CAMTA1: variants seen among roughly 807,000 people sequenced by gnomAD.
CAMTA1 encodes the protein calmodulin-binding transcription activator 1.
In CAMTA1, 27 loss-of-function variants were observed where a neutral mutation model predicts 170.9. The ratio of observed to expected loss-of-function variants is 0.16; its 90% confidence interval spans 0.12 to 0.22. The LOEUF (loss-of-function observed/expected upper bound fraction) is 0.22, where lower values mean the gene tolerates loss of function less well. CAMTA1 is among the 10% of genes least tolerant of loss of function. CAMTA1 has a pLI of 1.00. For missense variants in CAMTA1, 1,619 were observed against 2,217.2 expected, an observed-to-expected ratio of 0.73 and a Z score of 5.42; for synonymous variants, 833 against 891.5, an observed-to-expected ratio of 0.93 and a Z score of 1.17.
At chr1:7,723,078 G>A (rs1033018279) in intron 11 of CAMTA1, among the ~76,000 whole-genome samples, 4 of 152,016 alleles carry the variant, frequency 2.6e-5, no homozygotes, top group Non-Finnish European at 5.9e-5. Context: ...AGGCCTAGAA[G>A]CAGTGATACC....
intron 3 of CAMTA1, among the ~76,000 whole-genome samples, chr1:6,994,927 C>CA (rs1273562098): frequency 3.3e-5 from 5 of 152,314 alleles, no homozygotes; most frequent in East Asian, 3.9e-4. Flanking sequence ...CTTGGCCTCT[C>CA]AAAGTGCTGG....
At position 6,862,644 on chromosome 1, in the gene CAMTA1, TACTC is replaced by T. The variant is rs567179111; in HGVS notation, c.234+37437_234+37440del. ...TTCCTTTTTAATGATTTTTCAGACATACTCACCCACTTTGGCTGTGCCATCCTCC... is the reference window on the plus strand; with the variant it reads ...TTCCTTTTTAATGATTTTTCAGACATACCCACTTTGGCTGTGCCATCCTCC... On this transcript the variant is annotated intron_variant, in intron 3 of 22. Coordinates refer to ENST00000303635, the MANE Select transcript of CAMTA1 (RefSeq NM_015215.4). Among the ~76,000 whole-genome samples the T allele has an allele frequency of 3.1e-3, 470 of 152,362 alleles. 3 individuals carry two copies. Among genetic ancestry groups the T allele is most frequent in the African/African-American group, 9.3e-3 (386 of 41,586 alleles).
chr1:7,024,072 G>A (rs1701737144), intron 3 of CAMTA1, among the ~76,000 whole-genome samples: 1 of 149,406 alleles, frequency 6.7e-6, no homozygotes, highest in Non-Finnish European at 1.5e-5. Context: ...GAAACAAATA[G>A]TTAAGCATAA....
intron 5 of CAMTA1, among the ~76,000 whole-genome samples, chr1:7,276,303 A>ATATATATATATATATATATATT: frequency 2.5e-4 from 6 of 24,232 alleles, no homozygotes; most frequent in Non-Finnish European, 3.6e-4. Flanking sequence ...ATATATATAT[A>ATATATATATATATATATATATT]TTTTTTTTTT....
At chr1:6,867,291 T>C (rs755088319) in intron 3 of CAMTA1, among the ~76,000 whole-genome samples, 33 of 152,306 alleles carry the variant, frequency 2.2e-4, no homozygotes, top group Non-Finnish European at 3.7e-4. Context: ...GAGGATAAAA[T>C]ACTAGGTAGA....
rs575879416 is a variant in CAMTA1, at chr1:6,842,318, C to T, written c.234+17108C>T. Among the ~76,000 whole-genome samples the T allele has an allele frequency of 1.1e-3, 173 of 152,292 alleles. 3 individuals are homozygous for T. In the South Asian group the frequency reaches 0.035, roughly 31 times the overall value. On this transcript the variant is annotated intron_variant, in intron 3 of 22. Coordinates refer to ENST00000303635, the MANE Select transcript of CAMTA1 (RefSeq NM_015215.4). Reference sequence around the variant, plus strand: ...GTCATAGTGAGTGTAAAAACGCCCTCGCCGTGAGGCTCAGAAGAGCCAGGC... The same window carrying T: ...GTCATAGTGAGTGTAAAAACGCCCTTGCCGTGAGGCTCAGAAGAGCCAGGC...
At chr1:7,677,447 G>A (rs181325786) in intron 10 of CAMTA1, 152 bp from the exon 11 acceptor site, 11 of 899,378 alleles carry the variant, frequency 1.2e-5, no homozygotes, top group Non-Finnish European at 1.7e-6. Flanking sequence ...TTGTGTTTGG[G>A]CCTCGAATGA....
intron 4 of CAMTA1, among the ~76,000 whole-genome samples, chr1:7,148,433 C>T (rs199644957): frequency 8.2e-6 from 1 of 121,730 alleles, no homozygotes; most frequent in African/African-American, 3.0e-5. Context: ...CCTCCCCCCC[C>T]GCCACGCTCC....
At chr1:6,915,931 C>G (rs1680687677) in intron 3 of CAMTA1, among the ~76,000 whole-genome samples, 2 of 152,160 alleles carry the variant, frequency 1.3e-5, no homozygotes. Context: ...GACTGATCCC[C>G]TGGGGTCTGT....
chr1:7,565,476 G>A lies in CAMTA1; in HGVS notation c.511-74924G>A, dbSNP rs1295617939. ...AGAGTGAAGAGGCCAGGAACAGAGG[G>A]CTTGGCTGAGTGTCCACATCAGGGG... On this transcript the variant is annotated intron_variant, in intron 6 of 22. Coordinates refer to ENST00000303635, the MANE Select transcript of CAMTA1 (RefSeq NM_015215.4). This position sits in a 1 kb window ranked among gnomAD's most constrained non-coding sequence, Gnocchi z 4.5. Among the ~76,000 whole-genome samples the A allele has an allele frequency of 6.6e-6, 1 of 152,178 alleles. No individual in the cohort carries two copies. The highest frequency in any genetic ancestry group is 2.4e-5 in the African/African-American group (1 of 41,428).
At chr1:7,421,698 C>G (rs1405084337) in intron 5 of CAMTA1, among the ~76,000 whole-genome samples, 2 of 152,206 alleles carry the variant, frequency 1.3e-5, no homozygotes, top group South Asian at 2.1e-4. Context: ...TCCATGCCAG[C>G]ACTCACTGTT....
rs188656737 is a variant in CAMTA1, at chr1:7,575,445, C to A, written c.511-64955C>A. 9.3e-4 allele frequency among the ~76,000 whole-genome samples: 141 copies of A among 152,340 alleles called. 1 individual carries two copies. Among genetic ancestry groups the A allele is most frequent in the African/African-American group, 3.0e-3 (126 of 41,580 alleles). On this transcript the variant is annotated intron_variant, in intron 6 of 22. Coordinates refer to ENST00000303635, the MANE Select transcript of CAMTA1 (RefSeq NM_015215.4). ...CTAAGTTCCTCCTGTTTCTTAGGGG[C>A]AGAATCCAGTTTACAGAACATGGAA... is the stretch of plus-strand genomic sequence containing the variant.
intron 4 of CAMTA1, among the ~76,000 whole-genome samples, chr1:7,155,708 G>C (rs1463312404): frequency 6.6e-6 from 1 of 152,054 alleles, no homozygotes; most frequent in Non-Finnish European, 1.5e-5. Context: ...TGGGATTACT[G>C]GCGTGAGCCA....
intron 4 of CAMTA1, among the ~76,000 whole-genome samples, chr1:7,131,819 G>A (rs56744961): frequency 0.033 from 5,010 of 152,230 alleles, 232 homozygotes; most frequent in African/African-American, 0.11. Flanking sequence ...ACTTAGGGAG[G>A]CCGAGGCGGG....
intron 5 of CAMTA1, among the ~76,000 whole-genome samples, chr1:7,398,181 C>CATA (rs2089511970): frequency 6.8e-4 from 31 of 45,578 alleles, no homozygotes; most frequent in African/African-American, 2.4e-3. Context: ...CTCTCTCTCT[C>CATA]TCTCTCTCTC....
rs1482802407 is a variant in CAMTA1 at position 7,547,415 on chromosome 1, T to C, written c.510+79514T>C. The stretch of plus-strand genomic sequence containing the variant: ...AGAGTTGGCCTTCCACATTCATGAG[T>C]TTCGCATCCGTGGATTCAACCAACA... On this transcript the variant is annotated intron_variant, in intron 6 of 22. Coordinates refer to ENST00000303635, the MANE Select transcript of CAMTA1 (RefSeq NM_015215.4). The surrounding 1 kb of genome is among the most constrained non-coding windows in gnomAD (Gnocchi z 5.7). Among the ~76,000 whole-genome samples, 1 of 151,368 alleles carries C rather than the reference T, an allele frequency of 6.6e-6. No homozygotes were observed. The highest frequency in any genetic ancestry group is 1.5e-5 in the Non-Finnish European group (1 of 67,942).
chr1:7,228,525 A>G (rs1313797241), intron 4 of CAMTA1, among the ~76,000 whole-genome samples: 1 of 152,166 alleles, frequency 6.6e-6, no homozygotes, highest in Non-Finnish European at 1.5e-5. Context: ...TTAGGAACAC[A>G]CTGGAGATAC....
At chr1:7,571,014 C>G (rs556475519) in intron 6 of CAMTA1, among the ~76,000 whole-genome samples, 1 of 152,300 alleles carries the variant, frequency 6.6e-6, no homozygotes, top group South Asian at 2.1e-4. Context: ...CTCCCAGAGC[C>G]AGGCCTGTGC....
chr1:6,875,114 G>A (rs1278388331), intron 3 of CAMTA1, among the ~76,000 whole-genome samples: 1 of 152,034 alleles, frequency 6.6e-6, no homozygotes, highest in Non-Finnish European at 1.5e-5. Context: ...ATTCACCCAG[G>A]CTCACACCCT....
Sources: allele counts gnomAD v4.1 joint callset (sites outside exome capture counted in the v4.1 genomes callset), GRCh38; gene constraint gnomAD v4.1.1; non-coding constraint Gnocchi (gnomAD v3.1); transcripts MANE v1.5; gene names NCBI Gene and HGNC (gene_info 2026-07-23, HGNC 2026-07-21).